FMN1: variants seen among roughly 807,000 people sequenced by gnomAD.
FMN1 encodes the protein formin-1.
In FMN1, 110 loss-of-function variants were observed where a neutral mutation model predicts 132.4. The observed-to-expected ratio is 0.83, with a 90% CI of 0.71 to 0.97. The LOEUF (loss-of-function observed/expected upper bound fraction) is 0.97. FMN1 is among the 50% of genes least tolerant of loss of function. The probability of loss-of-function intolerance (pLI) is 0.00; values close to 1 mark genes in which losing one functional copy is unlikely to be tolerated. For missense variants in FMN1, 1,792 were observed against 1,705.3 expected (o/e 1.05, Z -0.90); for synonymous variants, 722 against 651.7 (o/e 1.11, Z -1.64).
chr15:33,152,190 G>C (rs1964464773), intron 4 of FMN1, among the ~76,000 whole-genome samples: 1 of 152,126 alleles, frequency 6.6e-6, no homozygotes, highest in Admixed American at 6.5e-5. Context: ...GGCCACAACA[G>C]CCTAGAAAAT....
intron 9 of FMN1, among the ~76,000 whole-genome samples, chr15:32,955,201 A>ACTAGTG (rs1186221277): frequency 6.6e-6 from 1 of 152,206 alleles, no homozygotes; most frequent in African/African-American, 2.4e-5. Flanking sequence ...CAGTGGCACT[A>ACTAGTG]CTAGTGATAT....
chr15:33,070,068 C>T (rs922320847), intron 5 of FMN1, among the ~76,000 whole-genome samples: 45 of 121,134 alleles, frequency 3.7e-4, no homozygotes, highest in African/African-American at 1.4e-3. Flanking sequence ...TGGAATGGTG[C>T]AATCTCCGCT....
chr15:32,917,023 T>C (rs1178631603), intron 10 of FMN1, among the ~76,000 whole-genome samples: 2 of 151,966 alleles, frequency 1.3e-5, no homozygotes, highest in African/African-American at 4.8e-5. Flanking sequence ...GAAGAGGCAG[T>C]AGTACAATCT....
chr15:32,980,689 T>C (rs1007887774), intron 7 of FMN1, among the ~76,000 whole-genome samples: 5 of 152,232 alleles, frequency 3.3e-5, no homozygotes, highest in Admixed American at 6.5e-5. Flanking sequence ...AATGGTTTCA[T>C]TGATTAGGGA....
chr15:32,835,157 C>T (rs111801883), intron 17 of FMN1, among the ~76,000 whole-genome samples: 1 of 152,156 alleles, frequency 6.6e-6, no homozygotes, highest in African/African-American at 2.4e-5. Flanking sequence ...GAGGAGAGGG[C>T]AGGACACAGG....
At position 32,839,706 on chromosome 15, in the gene FMN1, T is replaced by C. The variant is rs79035670; in HGVS notation, c.3928+17309A>G. Among the ~76,000 whole-genome samples the C allele has an allele frequency of 7.6e-3, 1,159 of 151,678 alleles. 8 individuals are homozygous for C. The highest frequency in any genetic ancestry group is 0.026 in the African/African-American group (1,055 of 41,330). On this transcript the variant is annotated intron_variant, in intron 17 of 20. Coordinates refer to ENST00000616417, the MANE Select transcript of FMN1 (RefSeq NM_001277313.2). The stretch of plus-strand genomic sequence containing the variant: ...ACCCATCAGTGTCCTGGAAGTAGGA[T>C]TGAGAGAGAAGATTCTCTTGAGAAC...
intron 17 of FMN1, among the ~76,000 whole-genome samples, chr15:32,847,472 C>G (rs758048234): frequency 3.3e-5 from 5 of 152,062 alleles, no homozygotes; most frequent in Admixed American, 6.6e-5. Context: ...GTGGCTCGTG[C>G]CTGTAATCCC....
chr15:32,921,097 A>G (rs1365742622), intron 10 of FMN1, among the ~76,000 whole-genome samples: 1 of 152,184 alleles, frequency 6.6e-6, no homozygotes, highest in African/African-American at 2.4e-5. Flanking sequence ...TAGATGAACA[A>G]ATAAAATATT....
intron 3 of FMN1, among the ~76,000 whole-genome samples, chr15:33,158,103 T>C (rs1964748472): frequency 6.6e-6 from 1 of 151,590 alleles, no homozygotes; most frequent in South Asian, 2.1e-4. Context: ...CCTTAAACAA[T>C]AAAATCTAGA....
chr15:32,803,065 C>G (rs539315934), intron 18 of FMN1, among the ~76,000 whole-genome samples: 4 of 152,172 alleles, frequency 2.6e-5, no homozygotes, highest in Non-Finnish European at 5.9e-5. Context: ...CCTGTGAAAG[C>G]AGGGCAGATG....
intron 9 of FMN1, among the ~76,000 whole-genome samples, chr15:32,962,857 G>A (rs1435505283): frequency 6.6e-6 from 1 of 151,544 alleles, no homozygotes; most frequent in Non-Finnish European, 1.5e-5. Flanking sequence ...GTGCTGGAGA[G>A]CATGTGGAGA....
intron 19 of FMN1, among the ~76,000 whole-genome samples, chr15:32,788,756 TTTTGA>T (rs1474616800): frequency 6.6e-6 from 1 of 152,214 alleles, no homozygotes; most frequent in African/African-American, 2.4e-5. Context: ...CTCTCTAAGG[TTTTGA>T]TTTGAGCTCC....
intron 8 of FMN1, among the ~76,000 whole-genome samples, chr15:32,967,269 G>A (rs1367413174): frequency 4.6e-5 from 7 of 152,180 alleles, no homozygotes; most frequent in Admixed American, 4.6e-4. Context: ...GGGACTCTTT[G>A]ATGGCTGCTG....
chr15:32,812,318 A>C (rs567435356), intron 17 of FMN1, among the ~76,000 whole-genome samples: 1 of 152,258 alleles, frequency 6.6e-6, no homozygotes, highest in South Asian at 2.1e-4. Flanking sequence ...TTATAATATT[A>C]AGTCATTTAC....
chr15:33,023,854 C>G (rs929344654), intron 6 of FMN1, among the ~76,000 whole-genome samples: 1 of 151,972 alleles, frequency 6.6e-6, no homozygotes, highest in Non-Finnish European at 1.5e-5. Context: ...TTTTTTAAAG[C>G]CACATTTAAG....
At chr15:33,004,431 A>T (rs2034298396) in intron 7 of FMN1, among the ~76,000 whole-genome samples, 1 of 152,242 alleles carries the variant, frequency 6.6e-6, no homozygotes, top group Non-Finnish European at 1.5e-5. Context: ...CAACAGACAC[A>T]TGAAAAAATG....
chr15:32,844,676 T>G (rs1331603467), intron 17 of FMN1, among the ~76,000 whole-genome samples: 3 of 152,250 alleles, frequency 2.0e-5, no homozygotes, highest in African/African-American at 7.2e-5. Flanking sequence ...ATGAAAAAGA[T>G]GCACATAACT....
intron 7 of FMN1, among the ~76,000 whole-genome samples, chr15:33,004,531 G>A (rs917225166): frequency 2.0e-5 from 3 of 152,174 alleles, no homozygotes; most frequent in African/African-American, 7.2e-5. Context: ...ATTAAAGTCA[G>A]GAAACAACAG....
At chr15:32,914,651 A>G (rs2060641585) in intron 10 of FMN1, among the ~76,000 whole-genome samples, 1 of 152,258 alleles carries the variant, frequency 6.6e-6, no homozygotes, top group African/African-American at 2.4e-5. Flanking sequence ...TTTAGAATCT[A>G]TTGTAATGGG....
Sources: gnomAD v4.1 joint callset for allele counts (sites outside exome capture counted in the v4.1 genomes callset) on GRCh38, gnomAD v4.1.1 for gene constraint, MANE v1.5 for transcripts, NCBI Gene and HGNC (gene_info 2026-07-23, HGNC 2026-07-21) for gene names.